Variants in ZNF804B observed in about 807,000 individuals in gnomAD.
ZNF804B encodes the protein zinc finger 804B.
A neutral mutation model predicts 101.4 loss-of-function variants in ZNF804B; 80 were observed. The observed-to-expected ratio is 0.79, with a 90% CI of 0.66 to 0.95. ZNF804B has a LOEUF of 0.95. Among genes scored for constraint, ZNF804B ranks in the 40% least tolerant of loss-of-function variants. The pLI is 0.00. For synonymous variants in ZNF804B, 622 were observed against 558.8 expected (o/e 1.11, Z -1.59); for missense variants, 1,673 against 1,561.9 (o/e 1.07, Z -1.20).
At chr7:88,873,141 G>T (rs922208739) in intron 1 of ZNF804B, among the ~76,000 whole-genome samples, 8 of 152,162 alleles carry the variant, frequency 5.3e-5, no homozygotes, top group South Asian at 2.1e-4. Flanking sequence ...GTTGTTTCCT[G>T]GCTTTTTAAT....
chr7:89,319,856 C>T (rs904990302), intron 2 of ZNF804B, among the ~76,000 whole-genome samples: 5 of 152,178 alleles, frequency 3.3e-5, no homozygotes, highest in Non-Finnish European at 1.5e-5. Context: ...GTTAGCCCAA[C>T]ACTCGTACTT....
chr7:89,313,908 C>CCTAT (rs1356675134), intron 2 of ZNF804B, among the ~76,000 whole-genome samples: 3 of 152,032 alleles, frequency 2.0e-5, no homozygotes, highest in Non-Finnish European at 2.9e-5. Context: ...AACTATGAAG[C>CCTAT]CTATCTGCTT....
chr7:88,859,565 C>T (rs1339347631), intron 1 of ZNF804B, among the ~76,000 whole-genome samples: 1 of 152,004 alleles, frequency 6.6e-6, no homozygotes, highest in Non-Finnish European at 1.5e-5. Flanking sequence ...TGAATAACAA[C>T]TTAGCACCAT....
chr7:89,282,224 A>G (rs1454866804), intron 2 of ZNF804B, among the ~76,000 whole-genome samples: 1 of 142,054 alleles, frequency 7.0e-6, no homozygotes, highest in Non-Finnish European at 1.5e-5. Context: ...AAAAAATGTA[A>G]CTTAAACAGT....
Position 89,258,754 on chromosome 7 carries a change from A to G in ZNF804B, c.249+40459A>G, listed in dbSNP as rs557343515. On this transcript the variant is annotated intron_variant, in intron 2 of 3. Transcript: ENST00000333190. ...GTATTATGTACTGTATTCTTACAATAAAGTAAGCTAGAGAGACAATATTTT... is the reference window on the plus strand; with the variant it reads ...GTATTATGTACTGTATTCTTACAATGAAGTAAGCTAGAGAGACAATATTTT... Among the ~76,000 whole-genome samples, 3 of 152,302 alleles carry G rather than the reference A, an allele frequency of 2.0e-5. No homozygotes were observed. The South Asian group carries it at 6.2e-4, about 32-fold the overall frequency.
chr7:89,108,296 G>A (rs10272493), intron 1 of ZNF804B, among the ~76,000 whole-genome samples: 113,545 of 151,262 alleles, frequency 0.75, 43,548 homozygotes, highest in African/African-American at 0.92. Flanking sequence ...GAAAGTACAC[G>A]GAGGGAAGAA....
At chr7:89,069,328 A>G (rs577995452) in intron 1 of ZNF804B, among the ~76,000 whole-genome samples, 21 of 152,318 alleles carry the variant, frequency 1.4e-4, no homozygotes, top group African/African-American at 5.1e-4. Flanking sequence ...CTCATGTACC[A>G]TTAAAGTCTA....
intron 1 of ZNF804B, among the ~76,000 whole-genome samples, chr7:89,151,606 A>G (rs1423585110): frequency 1.3e-5 from 2 of 152,118 alleles, no homozygotes; most frequent in East Asian, 3.9e-4. Flanking sequence ...TGATAAATGA[A>G]TTTACTGTGA....
At chr7:89,089,141 A>G (rs924358321) in intron 1 of ZNF804B, among the ~76,000 whole-genome samples, 6 of 150,328 alleles carry the variant, frequency 4.0e-5, no homozygotes, top group South Asian at 2.1e-4. Flanking sequence ...TATGAAGATT[A>G]CATGCAGTTC....
intron 1 of ZNF804B, among the ~76,000 whole-genome samples, chr7:89,077,243 A>G (rs1789628926): frequency 6.6e-6 from 1 of 152,274 alleles, no homozygotes; most frequent in Non-Finnish European, 1.5e-5. Flanking sequence ...GAGGGAAAGT[A>G]TAAAAGCCTA....
At chr7:88,794,809 A>G in intron 1 of ZNF804B, 1 of 1,613,770 alleles carries the variant, frequency 6.2e-7, no homozygotes, top group East Asian at 2.2e-5. Context: ...ATCAAGAAGG[A>G]ATTTCTTTAG....
intron 1 of ZNF804B, among the ~76,000 whole-genome samples, chr7:89,138,023 C>A (rs970410696): frequency 2.0e-5 from 3 of 152,150 alleles, no homozygotes; most frequent in Non-Finnish European, 4.4e-5. Flanking sequence ...GCCTTGGCAG[C>A]TTCTATGTGG....
intron 1 of ZNF804B, among the ~76,000 whole-genome samples, chr7:88,854,531 C>CTTTCCTTTCCT (rs372606813): frequency 2.9e-4 from 15 of 51,950 alleles, no homozygotes; most frequent in Admixed American, 9.5e-4. Flanking sequence ...CCTTCCTTTC[C>CTTTCCTTTCCT]TTCCTTCCTT....
chr7:89,012,310 C>T (rs988600253), intron 1 of ZNF804B, among the ~76,000 whole-genome samples: 2 of 152,144 alleles, frequency 1.3e-5, no homozygotes, highest in African/African-American at 4.8e-5. Flanking sequence ...TGCCGTGCCA[C>T]AGAGACATTT....
At chr7:88,866,988 G>A (rs1268721581) in intron 1 of ZNF804B, among the ~76,000 whole-genome samples, 2 of 152,062 alleles carry the variant, frequency 1.3e-5, no homozygotes, top group East Asian at 1.9e-4. Context: ...TTATAAGATG[G>A]GCACAACAGA....
intron 2 of ZNF804B, among the ~76,000 whole-genome samples, chr7:89,251,519 G>A (rs557096158): frequency 2.0e-5 from 3 of 147,066 alleles, no homozygotes; most frequent in Non-Finnish European, 4.5e-5. Context: ...AATCCATACT[G>A]CCCAAAGCAA....
chr7:89,068,454 T>A (rs1433136304), intron 1 of ZNF804B, among the ~76,000 whole-genome samples: 1 of 152,116 alleles, frequency 6.6e-6, no homozygotes, highest in Non-Finnish European at 1.5e-5. Context: ...ATTCACTGAT[T>A]TTTCTGTAAG....
At chr7:89,262,086 A>C (rs1484308735) in intron 2 of ZNF804B, among the ~76,000 whole-genome samples, 1 of 152,236 alleles carries the variant, frequency 6.6e-6, no homozygotes, top group Non-Finnish European at 1.5e-5. Flanking sequence ...AAGTCTTTTA[A>C]GGAAATGAAA....
chr7:89,060,475 C>G (rs915967223), intron 1 of ZNF804B, among the ~76,000 whole-genome samples: 3 of 152,066 alleles, frequency 2.0e-5, no homozygotes, highest in African/African-American at 7.2e-5. Context: ...AGAGCAATAA[C>G]CAGACTGTCA....
Sources: allele counts gnomAD v4.1 joint callset (sites outside exome capture counted in the v4.1 genomes callset), GRCh38; gene constraint gnomAD v4.1.1; transcripts MANE v1.5; gene names NCBI Gene and HGNC (gene_info 2026-07-23, HGNC 2026-07-21).